Variants in AKAP19 observed in about 807,000 individuals in gnomAD.
The protein encoded by AKAP19 is A-kinase anchoring protein 19, also known as small A-kinase anchoring protein.
the AKAP19 span, among the ~76,000 whole-genome samples, chr2:190,184,746 T>C: frequency 6.6e-6 from 1 of 152,134 alleles, no homozygotes; most frequent in South Asian, 2.1e-4. Flanking sequence ...AGGTGGTGTG[T>C]TTCAACTTAA....
the AKAP19 span, among the ~76,000 whole-genome samples, chr2:190,070,441 T>C: frequency 3.3e-5 from 5 of 149,520 alleles, no homozygotes; most frequent in Admixed American, 6.6e-5. Context: ...CCTTGACTTA[T>C]AGTTTAAAAA....
the AKAP19 span, among the ~76,000 whole-genome samples, chr2:189,957,212 G>A: frequency 6.6e-6 from 1 of 152,092 alleles, no homozygotes; most frequent in Non-Finnish European, 1.5e-5. Flanking sequence ...CCATGCTCAC[G>A]ATATAAGGTT....
the AKAP19 span, among the ~76,000 whole-genome samples, chr2:189,989,404 A>G: frequency 6.6e-6 from 1 of 152,194 alleles, no homozygotes; most frequent in Non-Finnish European, 1.5e-5. Flanking sequence ...AAATTCATCA[A>G]TTAAAACTCC....
the AKAP19 span, among the ~76,000 whole-genome samples, chr2:190,074,044 A>G: frequency 2.6e-4 from 29 of 110,438 alleles, 1 homozygote; most frequent in East Asian, 5.3e-3. Flanking sequence ...TCCGTCTCAG[A>G]AAAAAAAAAA....
At chr2:190,053,268 T>G in the AKAP19 span, among the ~76,000 whole-genome samples, 1 of 152,210 alleles carries the variant, frequency 6.6e-6, no homozygotes, top group Non-Finnish European at 1.5e-5. Context: ...CAGCCTCATA[T>G]GTAAAATCTT....
At chr2:190,001,116 TTTTAG>T in the AKAP19 span, among the ~76,000 whole-genome samples, 1 of 152,188 alleles carries the variant, frequency 6.6e-6, no homozygotes, top group East Asian at 1.9e-4. Flanking sequence ...CTATAGTGAA[TTTTAG>T]TTTAGTTATT....
At chr2:189,952,157 T>A in the AKAP19 span, among the ~76,000 whole-genome samples, 1 of 152,220 alleles carries the variant, frequency 6.6e-6, no homozygotes, top group Non-Finnish European at 1.5e-5. Context: ...GCCTAACTGC[T>A]TTTTCAGACA....
At chr2:190,014,600 A>G in the AKAP19 span, among the ~76,000 whole-genome samples, 4 of 151,624 alleles carry the variant, frequency 2.6e-5, no homozygotes, top group African/African-American at 9.7e-5. Flanking sequence ...ACTTCTTCAC[A>G]TTTCAAAACA....
the AKAP19 span, among the ~76,000 whole-genome samples, chr2:189,943,141 A>G: frequency 6.6e-6 from 1 of 152,226 alleles, no homozygotes; most frequent in African/African-American, 2.4e-5. Context: ...AAGACATTTC[A>G]GAGACCTTCA....
chr2:190,020,565 C>T, the AKAP19 span, among the ~76,000 whole-genome samples: 1 of 152,190 alleles, frequency 6.6e-6, no homozygotes, highest in African/African-American at 2.4e-5. Flanking sequence ...ACATTTGTCA[C>T]TTAAATACTC....
At chr2:190,158,808 C>T in the AKAP19 span, among the ~76,000 whole-genome samples, 3 of 152,150 alleles carry the variant, frequency 2.0e-5, no homozygotes, top group Non-Finnish European at 2.9e-5. Flanking sequence ...AGGGCAGAAG[C>T]CTCACAGAAG....
the AKAP19 span, among the ~76,000 whole-genome samples, chr2:189,899,113 A>G: frequency 6.6e-6 from 1 of 152,096 alleles, no homozygotes; most frequent in Non-Finnish European, 1.5e-5. Context: ...CCTCCTCTAC[A>G]CCATGTCAGT....
chr2:189,914,362 G>A, the AKAP19 span, among the ~76,000 whole-genome samples: 1 of 152,016 alleles, frequency 6.6e-6, no homozygotes, highest in East Asian at 1.9e-4. Context: ...CTTATTAAAT[G>A]TTTCTATGAA....
chr2:189,963,233 G>A, the AKAP19 span, among the ~76,000 whole-genome samples: 355 of 130,246 alleles, frequency 2.7e-3, no homozygotes, highest in Non-Finnish European at 4.1e-3. Flanking sequence ...TCACTCTGTT[G>A]CCCAGGCTGG....
the AKAP19 span, among the ~76,000 whole-genome samples, chr2:189,936,404 G>T: frequency 8.8e-4 from 134 of 152,182 alleles, 1 homozygote; most frequent in Middle Eastern, 3.4e-3. Flanking sequence ...ATTTACCTAG[G>T]ACCTTGTTAA....
At chr2:190,084,070 T>C in the AKAP19 span, among the ~76,000 whole-genome samples, 1 of 150,386 alleles carries the variant, frequency 6.6e-6, no homozygotes, top group Non-Finnish European at 1.5e-5. Context: ...CTAATTTAAT[T>C]GGTCTGGAGT....
chr2:190,196,703 T>C, the AKAP19 span, among the ~76,000 whole-genome samples: 1 of 152,198 alleles, frequency 6.6e-6, no homozygotes, highest in Non-Finnish European at 1.5e-5. Context: ...TGTTTGAACT[T>C]AGTCAAATGT....
the AKAP19 span, among the ~76,000 whole-genome samples, chr2:189,934,205 T>C: frequency 1.3e-5 from 2 of 152,058 alleles, no homozygotes; most frequent in South Asian, 2.1e-4. Context: ...TCTATATAAA[T>C]AGTAGTGTGA....
chr2:189,995,326 G>C, the AKAP19 span, among the ~76,000 whole-genome samples: 1 of 152,154 alleles, frequency 6.6e-6, no homozygotes, highest in Admixed American at 6.5e-5. Context: ...TTATGATTAT[G>C]ATATTTTCCC....
Sources: allele counts gnomAD v4.1 joint callset (sites outside exome capture counted in the v4.1 genomes callset), GRCh38; gene constraint gnomAD v4.1.1; transcripts MANE v1.5; gene names NCBI Gene and HGNC (gene_info 2026-07-23, HGNC 2026-07-21).